Variants in LPCAT2 observed in about 807,000 individuals in gnomAD.
LPCAT2 encodes the protein 1-AGP acyltransferase 11.
LPCAT2 carries 58 observed loss-of-function variants against 64.7 expected under a neutral mutation model. The ratio of observed to expected loss-of-function variants is 0.90; its 90% CI spans 0.73 to 1.12. The LOEUF (loss-of-function observed/expected upper bound fraction) is 1.12, where lower values mean the gene tolerates loss of function less well. LPCAT2 is among the 50% of genes most tolerant of loss of function. The pLI is 0.00. For missense variants in LPCAT2, 579 were observed against 669.8 expected (o/e 0.86, Z 1.50); for synonymous variants, 252 against 245.3 (o/e 1.03, Z -0.26).
intron 9 of LPCAT2, 92 bp from the exon 10 acceptor site, chr16:55,549,185 G>A: frequency 1.0e-6 from 1 of 992,128 alleles, no homozygotes; most frequent in Non-Finnish European, 1.5e-6. Context: ...TTTTTCATTT[G>A]CTGTCGTTTG....
At chr16:55,570,449 C>T (rs1313456350) in intron 11 of LPCAT2, among the ~76,000 whole-genome samples, 1 of 151,982 alleles carries the variant, frequency 6.6e-6, no homozygotes, top group African/African-American at 2.4e-5. Flanking sequence ...CATGGCAAAA[C>T]CCCGTTTCAA....
intron 11 of LPCAT2, chr16:55,566,850 G>A (rs763026774): frequency 2.5e-6 from 4 of 1,613,786 alleles, no homozygotes; most frequent in Non-Finnish European, 3.4e-6. Flanking sequence ...GAGAAGAGAA[G>A]GAGGAGGAAG....
chr16:55,582,313 C>T (rs1963895708), intron 13 of LPCAT2, among the ~76,000 whole-genome samples: 1 of 152,094 alleles, frequency 6.6e-6, no homozygotes, highest in African/African-American at 2.4e-5. Flanking sequence ...GGAATCTCTG[C>T]CTTGCTTTAT....
chr16:55,542,092 A>G, intron 8 of LPCAT2: 1 of 636,838 alleles, frequency 1.6e-6, no homozygotes, highest in Non-Finnish European at 2.2e-6. Context: ...GTCAAGAAAA[A>G]ATGAATAAAC....
intron 11 of LPCAT2, among the ~76,000 whole-genome samples, chr16:55,553,469 T>G (rs185384123): frequency 9.5e-4 from 144 of 152,328 alleles, no homozygotes; most frequent in African/African-American, 3.3e-3. Flanking sequence ...ATGAGAAGCA[T>G]CTTATCCATT....
chr16:55,551,563 C>T (rs1266394505), intron 11 of LPCAT2, among the ~76,000 whole-genome samples: 1 of 151,982 alleles, frequency 6.6e-6, no homozygotes, highest in Non-Finnish European at 1.5e-5. Context: ...TTCCACAAAC[C>T]TGTATGAAGA....
chr16:55,577,961 A>G (rs1202402795), intron 12 of LPCAT2, among the ~76,000 whole-genome samples: 2 of 152,168 alleles, frequency 1.3e-5, no homozygotes, highest in Admixed American at 1.3e-4. Context: ...CTAATAATCA[A>G]ATCCAACAAA....
intron 1 of LPCAT2, among the ~76,000 whole-genome samples, chr16:55,510,975 T>G (rs1460527477): frequency 1.3e-5 from 2 of 152,224 alleles, no homozygotes; most frequent in Non-Finnish European, 2.9e-5. Context: ...AAAGATCTCT[T>G]CCAAATAACT....
At chr16:55,566,708 TCATACCA>T in intron 11 of LPCAT2, 1 of 1,546,106 alleles carries the variant, frequency 6.5e-7, no homozygotes, top group Admixed American at 2.0e-5. Flanking sequence ...TCATCTTTTT[TCATACCA>T]TCTCTAAGAT....
intron 1 of LPCAT2, among the ~76,000 whole-genome samples, chr16:55,515,229 C>T (rs1258457965): frequency 5.0e-5 from 6 of 120,674 alleles, no homozygotes; most frequent in Admixed American, 3.6e-4. Flanking sequence ...TAAGAATAAA[C>T]TCAAAGATAC....
Position 55,550,939 on chromosome 16 carries a change from G to C in LPCAT2, c.1062-10G>C. On this transcript the variant is annotated splice_polypyrimidine_tract_variant and intron_variant, in intron 10 of 13. Transcript: ENST00000262134. The stretch of plus-strand genomic sequence containing the variant: ...TAATAACATGTATCTATAATTCTTT[G>C]TTTGTTTAGATTAGATTGGGATGGT... 6.4e-7 allele frequency: 1 copy of C among 1,559,304 alleles called. No homozygotes were observed. Among genetic ancestry groups the C allele is most frequent in the Non-Finnish European group, 8.7e-7 (1 of 1,145,228 alleles).
chr16:55,527,856 C>T (rs578257262), intron 2 of LPCAT2, among the ~76,000 whole-genome samples: 3 of 152,186 alleles, frequency 2.0e-5, no homozygotes, highest in Admixed American at 6.5e-5. Context: ...TAAAAAAATT[C>T]CTAAAATAAT....
intron 8 of LPCAT2, among the ~76,000 whole-genome samples, chr16:55,537,837 C>T (rs865867138): frequency 3.0e-4 from 46 of 152,318 alleles, no homozygotes; most frequent in African/African-American, 1.1e-3. Context: ...TGTAACCACC[C>T]TGGCTGGCCA....
At chr16:55,565,740 G>A (rs1963688177) in intron 11 of LPCAT2, among the ~76,000 whole-genome samples, 1 of 152,040 alleles carries the variant, frequency 6.6e-6, no homozygotes, top group Non-Finnish European at 1.5e-5. Flanking sequence ...TACAGTTTCA[G>A]TTTTGCCAGA....
intron 6 of LPCAT2, among the ~76,000 whole-genome samples, chr16:55,533,121 C>A (rs1473408125): frequency 3.3e-5 from 5 of 152,080 alleles, no homozygotes; most frequent in African/African-American, 1.2e-4. Flanking sequence ...ATTTTCTTAG[C>A]CTTTACTCTG....
intron 11 of LPCAT2, among the ~76,000 whole-genome samples, chr16:55,568,819 G>T (rs568841002): frequency 3.3e-5 from 5 of 152,290 alleles, no homozygotes; most frequent in South Asian, 2.1e-4. Context: ...TGGGGTAGTT[G>T]TGCCTTTCTT....
At chr16:55,524,541 T>G (rs1205359054) in intron 1 of LPCAT2, among the ~76,000 whole-genome samples, 1 of 151,972 alleles carries the variant, frequency 6.6e-6, no homozygotes, top group East Asian at 1.9e-4. Flanking sequence ...GTACATTTCC[T>G]TGTGTTACTG....
At position 55,584,262 on chromosome 16, in the gene LPCAT2, A is replaced by G. The variant is rs1287780538; in HGVS notation, c.*1164A>G. On this transcript the variant is annotated 3_prime_UTR_variant, in exon 14 of 14. Coordinates refer to ENST00000262134, the MANE Select transcript of LPCAT2 (RefSeq NM_017839.5). Reference sequence around the variant, plus strand: ...ATTAATATATTATCATGTAAGTGGGAATTTTATTTTGTTAAGTGGACTCTC... The same window carrying G: ...ATTAATATATTATCATGTAAGTGGGGATTTTATTTTGTTAAGTGGACTCTC... 1.3e-5 allele frequency: 2 copies of G among 152,092 alleles called. No homozygotes were observed. Among genetic ancestry groups the G allele is most frequent in the African/African-American group, 4.8e-5 (2 of 41,404 alleles). 9.4% of individuals were successfully genotyped at this position (152,092 alleles called of 1,614,324 possible). A position where few individuals can be genotyped will look rare whatever the true frequency, so the allele number is the denominator to read the frequency against.
intron 11 of LPCAT2, among the ~76,000 whole-genome samples, chr16:55,565,574 A>G (rs537222362): frequency 3.9e-5 from 6 of 152,270 alleles, no homozygotes; most frequent in African/African-American, 1.2e-4. Flanking sequence ...TCTTGAAGAA[A>G]TTATGCTCAT....
Sources: allele counts gnomAD v4.1 joint callset (sites outside exome capture counted in the v4.1 genomes callset), GRCh38; gene constraint gnomAD v4.1.1; transcripts MANE v1.5; gene names NCBI Gene and HGNC (gene_info 2026-07-23, HGNC 2026-07-21).